COL27A1: variants seen among roughly 807,000 people sequenced by gnomAD.
The protein encoded by COL27A1 is collagen type XXVII alpha 1 chain.
Under a neutral mutation model 251.3 loss-of-function variants are expected in COL27A1, and 106 were observed. The ratio of observed to expected loss-of-function variants is 0.42; its 90% CI spans 0.36 to 0.50. The LOEUF (loss-of-function observed/expected upper bound fraction) is 0.50. Ranked by LOEUF, COL27A1 falls within the 20% of genes least tolerant of loss-of-function variation. COL27A1 has a pLI of 0.00. For missense variants in COL27A1, 2,325 were observed against 2,522.8 expected (o/e 0.92, Z 1.68); for synonymous variants, 1,000 against 986.3 (o/e 1.01, Z -0.26).
intron 27 of COL27A1, among the ~76,000 whole-genome samples, chr9:114,257,418 G>A (rs1266479856): frequency 6.6e-6 from 1 of 152,136 alleles, no homozygotes; most frequent in East Asian, 1.9e-4. Flanking sequence ...ATCTTCTCCT[G>A]TGTTCCCTCC....
At chr9:114,205,377 G>T (rs551670522) in intron 8 of COL27A1, among the ~76,000 whole-genome samples, 1 of 152,346 alleles carries the variant, frequency 6.6e-6, no homozygotes, top group South Asian at 2.1e-4. Context: ...GGCATGAGCC[G>T]CACAACGCCA....
In COL27A1 at chr9:114,196,442, C is replaced by T. The variant is rs139091991; in HGVS notation, c.2124+430C>T. Among the ~76,000 whole-genome samples the T allele has an allele frequency of 2.0e-3, 309 of 152,290 alleles. 5 individuals carry two copies. The highest frequency in any genetic ancestry group is 5.0e-3 in the South Asian group (24 of 4,828). ...TACATGAGATGGAGACAATGATCCC[C>T]GTCTCTGACCCTGCACAGTCTGGGG... On this transcript the variant is annotated intron_variant, in intron 7 of 60. Coordinates refer to ENST00000356083, the MANE Select transcript of COL27A1 (RefSeq NM_032888.4).
chr9:114,234,616 A>G (rs971445572), intron 16 of COL27A1, among the ~76,000 whole-genome samples: 2 of 152,178 alleles, frequency 1.3e-5, no homozygotes, highest in African/African-American at 4.8e-5. Flanking sequence ...GAGGGAGCAG[A>G]AGAGGCCTCC....
At chr9:114,227,468 C>G (rs1831560502) in intron 14 of COL27A1, among the ~76,000 whole-genome samples, 1 of 152,106 alleles carries the variant, frequency 6.6e-6, no homozygotes, top group South Asian at 2.1e-4. Context: ...TCACCTGTCC[C>G]TAAGCCTCAG....
chr9:114,210,858 A>G, intron 11 of COL27A1, 124 bp from the exon 12 acceptor site: 1 of 915,116 alleles, frequency 1.1e-6, no homozygotes, highest in Non-Finnish European at 1.8e-6. Flanking sequence ...GCCGCCACGC[A>G]AGTGGCACAC....
chr9:114,243,483 C>T (rs1832902567), intron 22 of COL27A1, 24 bp from the exon 23 acceptor site: 1 of 1,612,082 alleles, frequency 6.2e-7, no homozygotes, highest in African/African-American at 1.3e-5. Context: ...CAGCTTCTCC[C>T]ACTTACCTGT....
rs111567212 is a variant in COL27A1 at position 114,264,875 on chromosome 9, G to A, written c.3250-49G>A. ...GTGGAGGGGTCCCTTTTTGGGGAAC[G>A]GTCCTCCCAAGCACCCTCTCCCACC... On this transcript the variant is annotated intron_variant, in intron 29 of 60. Transcript: ENST00000356083. 11,879 of 1,571,568 alleles carry A rather than the reference G, an allele frequency of 7.6e-3. 712 individuals carry two copies. In the African/African-American group the frequency reaches 0.14, roughly 18 times the overall value.
intron 37 of COL27A1, among the ~76,000 whole-genome samples, chr9:114,280,130 C>T (rs1249748): frequency 0.23 from 34,320 of 151,926 alleles, 4,178 homozygotes; most frequent in East Asian, 0.35. Context: ...ATAAAATTTA[C>T]AGTTGACAAT....
intron 27 of COL27A1, among the ~76,000 whole-genome samples, chr9:114,257,963 T>C (rs1026351091): frequency 6.6e-6 from 1 of 152,140 alleles, no homozygotes; most frequent in African/African-American, 2.4e-5. Flanking sequence ...TTTGGGAGGC[T>C]GAGGCAGGAG....
In COL27A1 at chr9:114,270,143, G is replaced by T. The variant is rs1419284954; in HGVS notation, c.3556-585G>T. Among the ~76,000 whole-genome samples the T allele has an allele frequency of 3.3e-5, 5 of 152,182 alleles. No homozygotes were observed. In the East Asian group the frequency reaches 9.6e-4, roughly 29 times the overall value. ...AGGAGTTCCATGCAGGCTTACTCCA[G>T]CTCCAGTAATAGTATCTCACATGGT... On this transcript the variant is annotated intron_variant, in intron 35 of 60. Coordinates refer to ENST00000356083, the MANE Select transcript of COL27A1 (RefSeq NM_032888.4).
chr9:114,246,307 C>A (rs572884741), intron 24 of COL27A1, among the ~76,000 whole-genome samples: 1 of 152,274 alleles, frequency 6.6e-6, no homozygotes, highest in South Asian at 2.1e-4. Context: ...TGCCAAGGTC[C>A]CTTGGTCTAG....
At chr9:114,224,075 A>C (rs1049537330) in intron 14 of COL27A1, among the ~76,000 whole-genome samples, 13 of 125,878 alleles carry the variant, frequency 1.0e-4, no homozygotes, top group Admixed American at 9.6e-4. Flanking sequence ...ATGAGTCATA[A>C]ATTTGTCATC....
chr9:114,183,514 G>A (rs899918531), intron 5 of COL27A1, among the ~76,000 whole-genome samples: 1 of 152,156 alleles, frequency 6.6e-6, no homozygotes, highest in Admixed American at 6.5e-5. Flanking sequence ...GGAGACCAGG[G>A]GTGATATGGG....
At chr9:114,194,365 G>A in intron 5 of COL27A1, 39 bp from the exon 6 acceptor site, 1 of 1,607,010 alleles carries the variant, frequency 6.2e-7, no homozygotes, top group Admixed American at 1.7e-5. Flanking sequence ...ATCCTTTCTA[G>A]ATGACTTGGT....
chr9:114,205,621 C>A (rs1588656702), intron 8 of COL27A1, 138 bp from the exon 9 acceptor site: 1 of 789,890 alleles, frequency 1.3e-6, no homozygotes, highest in Non-Finnish European at 2.2e-6. Context: ...GGCTTGGGGG[C>A]CCTCCCCTTC....
intron 10 of COL27A1, 45 bp downstream of exon 10, chr9:114,206,341 A>T: frequency 6.3e-7 from 1 of 1,599,778 alleles, no homozygotes; most frequent in South Asian, 1.1e-5. Flanking sequence ...GTTCTAGGTG[A>T]GCATCACCTG....
chr9:114,231,136 A>C lies in COL27A1; in HGVS notation c.2520+4A>C. On this transcript the variant is annotated splice_donor_region_variant and intron_variant, in intron 15 of 60. Coordinates refer to ENST00000356083, the MANE Select transcript of COL27A1 (RefSeq NM_032888.4). Reference sequence around the variant, plus strand: ...CCCGGGACCCAAGGGCATGAAGGTAAGCAAGGGATGTTCCCCCGATTCAGG... The same window carrying C: ...CCCGGGACCCAAGGGCATGAAGGTACGCAAGGGATGTTCCCCCGATTCAGG... 1.2e-6 allele frequency: 2 copies of C among 1,613,402 alleles called. No individual in the cohort carries two copies. Among genetic ancestry groups the C allele is most frequent in the Non-Finnish European group, 1.7e-6 (2 of 1,179,656 alleles).
Position 114,265,069 on chromosome 9 carries a change from G to A in COL27A1, c.3298G>A (p.Val1100Met), listed in dbSNP as rs571665121. ...TGACCCCCACATGTGCTTCCAGGGT[G>A]TGGCTGGTGAGCGAGGCCACTTGGG... ...GRPGRPGQQG[V>M]AGERGHLGSR... The change falls in exon 31 of 61, where the codon GTG becomes ATG. Residue 1100 changes from valine (V) to methionine (M), a missense_variant. Val to Met is a conservative substitution (Grantham distance 21). Coordinates refer to ENST00000356083, the MANE Select transcript of COL27A1 (RefSeq NM_032888.4). The A allele has an allele frequency of 1.2e-6, 2 of 1,613,592 alleles. No individual in the cohort carries two copies. The highest frequency in any genetic ancestry group is 1.3e-5 in the African/African-American group (1 of 74,916).
Position 114,277,428 on chromosome 9 carries a change from C to T in COL27A1, c.3717+1660C>T, listed in dbSNP as rs79951164. Among the ~76,000 whole-genome samples the T allele has an allele frequency of 7.0e-3, 1,069 of 152,280 alleles. 18 individuals are homozygous for T. Among genetic ancestry groups the T allele is most frequent in the African/African-American group, 0.023 (976 of 41,568 alleles). ...GACTGACGTTGTTACCTAGGCAAAG[C>T]AGCCCAGTTTGATTCAGGCCTGCTC... is the stretch of plus-strand genomic sequence containing the variant. On this transcript the variant is annotated intron_variant, in intron 37 of 60. Coordinates refer to ENST00000356083, the MANE Select transcript of COL27A1 (RefSeq NM_032888.4).
Sources: gnomAD v4.1 joint callset for allele counts (sites outside exome capture counted in the v4.1 genomes callset) on GRCh38, gnomAD v4.1.1 for gene constraint, MANE v1.5 for transcripts, NCBI Gene and HGNC (gene_info 2026-07-23, HGNC 2026-07-21) for gene names.